PTPRK: variants seen among roughly 807,000 people sequenced by gnomAD.
The protein encoded by PTPRK is protein tyrosine phosphatase receptor type K.
Under a neutral mutation model 178.0 loss-of-function variants are expected in PTPRK, and 75 were observed. That is an observed-to-expected ratio of 0.42 (90% confidence interval 0.35 to 0.51). The LOEUF (loss-of-function observed/expected upper bound fraction) is 0.51. PTPRK is among the 20% of genes least tolerant of loss of function. The probability of loss-of-function intolerance (pLI) is 0.02; values close to 1 mark genes in which losing one functional copy is unlikely to be tolerated. For synonymous variants in PTPRK, 637 were observed against 620.6 expected, an observed-to-expected ratio of 1.03 and a Z score of -0.39; for missense variants, 1,441 against 1,797.8, an observed-to-expected ratio of 0.80 and a Z score of 3.59.
intron 3 of PTPRK, among the ~76,000 whole-genome samples, chr6:128,277,204 G>A (rs772438920): frequency 2.0e-5 from 3 of 151,794 alleles, no homozygotes; most frequent in Non-Finnish European, 2.9e-5. Flanking sequence ...AACATTGAAC[G>A]TTTAACTTGG....
intron 13 of PTPRK, among the ~76,000 whole-genome samples, chr6:128,052,987 G>A (rs1029485898): frequency 6.6e-6 from 1 of 152,044 alleles, no homozygotes; most frequent in African/African-American, 2.4e-5. Flanking sequence ...CTAGTTTCAT[G>A]TTGTACTTTC....
intron 2 of PTPRK, among the ~76,000 whole-genome samples, chr6:128,357,097 A>T (rs979073956): frequency 1.3e-5 from 2 of 152,200 alleles, no homozygotes; most frequent in African/African-American, 2.4e-5. Flanking sequence ...TGGAGGCTGG[A>T]AGTCCATTAA....
chr6:128,086,813 C>A (rs1378865328), intron 8 of PTPRK, among the ~76,000 whole-genome samples: 1 of 151,556 alleles, frequency 6.6e-6, no homozygotes, highest in South Asian at 2.1e-4. Flanking sequence ...ATATATTAAA[C>A]AAAAAGAAAA....
At chr6:128,370,957 C>T (rs1230477460) in intron 2 of PTPRK, among the ~76,000 whole-genome samples, 1 of 152,096 alleles carries the variant, frequency 6.6e-6, no homozygotes, top group East Asian at 1.9e-4. Context: ...TGTCTTGTGG[C>T]TATTGTTTCA....
chr6:128,519,456 T>G lies in PTPRK; in HGVS notation c.100+803A>C, dbSNP rs1046685524. 6.6e-6 allele frequency among the ~76,000 whole-genome samples: 1 copy of G among 151,560 alleles called. No homozygotes were observed. Among genetic ancestry groups the G allele is most frequent in the Admixed American group, 6.6e-5 (1 of 15,202 alleles). Reference sequence around the variant, plus strand: ...AGTCCGCTTCCAGCCCCAGGCCGGATCCGGGGAGCGCGGGGCCAGAGCCCC... The same window carrying G: ...AGTCCGCTTCCAGCCCCAGGCCGGAGCCGGGGAGCGCGGGGCCAGAGCCCC... On this transcript the variant is annotated intron_variant, in intron 1 of 29. Transcript: ENST00000368226. This position sits in a 1 kb window ranked among gnomAD's most constrained non-coding sequence, Gnocchi z 4.3.
chr6:128,430,789 G>A (rs1185368069), intron 1 of PTPRK, among the ~76,000 whole-genome samples: 1 of 152,112 alleles, frequency 6.6e-6, no homozygotes, highest in Admixed American at 6.5e-5. Flanking sequence ...GAAGTCTACT[G>A]TGTGCTAGAT....
intron 3 of PTPRK, among the ~76,000 whole-genome samples, chr6:128,278,830 T>G (rs927640796): frequency 1.3e-5 from 2 of 152,114 alleles, no homozygotes; most frequent in Non-Finnish European, 2.9e-5. Context: ...ACACATCCAA[T>G]AAGATAAAAT....
chr6:128,345,117 T>C (rs974277060), intron 2 of PTPRK, among the ~76,000 whole-genome samples: 6 of 150,530 alleles, frequency 4.0e-5, no homozygotes, highest in African/African-American at 1.5e-4. Flanking sequence ...TCAGAGAGAG[T>C]TCTTTCTAAG....
chr6:128,486,821 G>T (rs1224133672), intron 1 of PTPRK, among the ~76,000 whole-genome samples: 1 of 148,342 alleles, frequency 6.7e-6, no homozygotes, highest in Admixed American at 6.7e-5. Context: ...AGGAAGGAAA[G>T]AAGGAAGGAA....
intron 1 of PTPRK, among the ~76,000 whole-genome samples, chr6:128,428,918 C>A (rs1562501185): frequency 6.6e-6 from 1 of 152,186 alleles, no homozygotes; most frequent in African/African-American, 2.4e-5. Flanking sequence ...CTTTGCCCAA[C>A]TGTAGGCTAA....
At chr6:128,406,975 G>A (rs1000496569) in intron 1 of PTPRK, among the ~76,000 whole-genome samples, 2 of 152,134 alleles carry the variant, frequency 1.3e-5, no homozygotes, top group Non-Finnish European at 2.9e-5. Context: ...TTTTACATTG[G>A]ATCTCACCAA....
Position 128,374,066 on chromosome 6 carries a change from A to G in PTPRK, c.223+23500T>C, listed in dbSNP as rs146587820. Among the ~76,000 whole-genome samples the G allele has an allele frequency of 1.5e-4, 23 of 152,104 alleles. No homozygotes were observed. The East Asian group carries it at 4.2e-3, about 28-fold the overall frequency. ...GTTTGTTATTTATTTTCCTTCTTTC[A>G]TGGATAAAGACAGAAAGGTAAACAG... On this transcript the variant is annotated intron_variant, in intron 2 of 29. Transcript: ENST00000368226.
chr6:128,190,265 C>T (rs1002960985), intron 6 of PTPRK, among the ~76,000 whole-genome samples: 7 of 152,030 alleles, frequency 4.6e-5, no homozygotes, highest in Non-Finnish European at 1.0e-4. Context: ...TGTTATTTTT[C>T]TGATACTTCA....
chr6:128,154,058 T>C (rs913720581), intron 7 of PTPRK, among the ~76,000 whole-genome samples: 14 of 151,782 alleles, frequency 9.2e-5, no homozygotes, highest in African/African-American at 3.1e-4. Flanking sequence ...CAGGCCATGA[T>C]TGTGACAGAA....
In PTPRK at chr6:128,299,251, C is replaced by T. The variant is rs1332641313; in HGVS notation, c.495+22788G>A. On this transcript the variant is annotated intron_variant, in intron 3 of 29. Coordinates refer to ENST00000368226, the MANE Select transcript of PTPRK (RefSeq NM_002844.4). ...CAAACAAATGGAAGAACATTCCATG[C>T]TCATGGGTAGGAAGAATCAATATCA... Among the ~76,000 whole-genome samples the T allele has an allele frequency of 1.7e-3, 258 of 151,636 alleles. 3 individuals are homozygous for T. The highest frequency in any genetic ancestry group is 3.1e-3 in the Non-Finnish European group (211 of 67,906).
chr6:128,229,852 T>C (rs1812006139), intron 5 of PTPRK, among the ~76,000 whole-genome samples: 1 of 152,204 alleles, frequency 6.6e-6, no homozygotes, highest in South Asian at 2.1e-4. Context: ...CTAGTAAATA[T>C]AGCAAAGATT....
intron 1 of PTPRK, among the ~76,000 whole-genome samples, chr6:128,469,748 C>T (rs1355136693): frequency 6.6e-6 from 1 of 152,018 alleles, no homozygotes; most frequent in East Asian, 1.9e-4. Flanking sequence ...GGGAGAGTGT[C>T]CTGGATTACC....
At chr6:128,435,531 G>C (rs1845476767) in intron 1 of PTPRK, among the ~76,000 whole-genome samples, 1 of 152,178 alleles carries the variant, frequency 6.6e-6, no homozygotes, top group South Asian at 2.1e-4. Context: ...CCGAGGAAGA[G>C]GCTGGGCAAA....
chr6:128,110,163 G>GTCC (rs1411297938), intron 7 of PTPRK, among the ~76,000 whole-genome samples: 2 of 152,026 alleles, frequency 1.3e-5, no homozygotes, highest in Non-Finnish European at 2.9e-5. Flanking sequence ...GCCTCGAGCA[G>GTCC]TCCTCCCATC....
Sources: allele counts gnomAD v4.1 joint callset (sites outside exome capture counted in the v4.1 genomes callset), GRCh38; gene constraint gnomAD v4.1.1; non-coding constraint Gnocchi (gnomAD v3.1); transcripts MANE v1.5; gene names NCBI Gene and HGNC (gene_info 2026-07-23, HGNC 2026-07-21).